The following RBFOX1 variants were observed in gnomAD, a reference collection of about 807,000 sequenced individuals.
RBFOX1 encodes RNA binding fox-1 homolog 1.
In RBFOX1, 8 loss-of-function variants were observed where a neutral mutation model predicts 57.7. The ratio of observed to expected loss-of-function variants is 0.14; its 90% CI spans 0.08 to 0.25. The LOEUF is 0.25. RBFOX1 is among the 10% of genes least tolerant of loss of function. The pLI, the probability that RBFOX1 is intolerant of heterozygous loss-of-function variation, is 1.00. For synonymous variants in RBFOX1, 326 were observed against 222.4 expected, an observed-to-expected ratio of 1.47 and a Z score of -4.15; for missense variants, 611 against 548.5, an observed-to-expected ratio of 1.11 and a Z score of -1.14.
chr16:5,474,349 G>T (rs1180802736), intron 2 of RBFOX1, among the ~76,000 whole-genome samples: 1 of 152,160 alleles, frequency 6.6e-6, no homozygotes, highest in African/African-American at 2.4e-5. Context: ...TCATTAATGT[G>T]TGTTTAAAAA....
chr16:7,131,998 C>CTTTTTTTTTTT (rs34879688), intron 4 of RBFOX1, among the ~76,000 whole-genome samples: 1 of 123,842 alleles, frequency 8.1e-6, no homozygotes, highest in Non-Finnish European at 1.7e-5. Context: ...TTTTTTCTTT[C>CTTTTTTTTTTT]TTTTTTTTTT....
intron 1 of RBFOX1, among the ~76,000 whole-genome samples, chr16:5,255,933 T>TA (rs1266973168): frequency 4.6e-5 from 7 of 151,862 alleles, no homozygotes; most frequent in Non-Finnish European, 1.0e-4. Context: ...TGGCTATTAA[T>TA]AGCTTCTAGT....
intron 4 of RBFOX1, among the ~76,000 whole-genome samples, chr16:7,263,279 G>T (rs2094994061): frequency 6.6e-6 from 1 of 152,162 alleles, no homozygotes; most frequent in African/African-American, 2.4e-5. Context: ...AAGCACAGGG[G>T]AGTTGAAGAT....
chr16:5,626,773 T>A (rs554526704), intron 3 of RBFOX1, among the ~76,000 whole-genome samples: 1 of 152,102 alleles, frequency 6.6e-6, no homozygotes, highest in African/African-American at 2.4e-5. Flanking sequence ...TCAACCAGGG[T>A]TTTAAAAAAA....
intron 4 of RBFOX1, among the ~76,000 whole-genome samples, chr16:7,187,462 G>T (rs2084143965): frequency 6.6e-6 from 1 of 151,478 alleles, no homozygotes. Flanking sequence ...GGCCAAGGCG[G>T]GCTAATCACG....
At chr16:7,471,764 C>T (rs929323650) in intron 4 of RBFOX1, among the ~76,000 whole-genome samples, 3 of 152,304 alleles carry the variant, frequency 2.0e-5, no homozygotes, top group East Asian at 1.9e-4. Context: ...AAGGTTAAGA[C>T]TTTCAGTCTC....
chr16:6,400,554 C>A lies in RBFOX1; in HGVS notation c.-64+83497C>A, dbSNP rs150387137. 9.3e-5 allele frequency among the ~76,000 whole-genome samples: 14 copies of A among 150,962 alleles called. 1 individual carries two copies. In the East Asian group the frequency reaches 2.5e-3, roughly 27 times the overall value. ...AAAACTAGAAAAAAAGAAAATTATA[C>A]CCAATATAGTAAAAGGATGGGAATA... is the stretch of plus-strand genomic sequence containing the variant. On this transcript the variant is annotated intron_variant, in intron 2 of 15. Coordinates refer to ENST00000550418, the MANE Select transcript of RBFOX1 (RefSeq NM_018723.4).
intron 3 of RBFOX1, among the ~76,000 whole-genome samples, chr16:7,048,838 T>G (rs1414788411): frequency 6.6e-6 from 1 of 152,182 alleles, no homozygotes; most frequent in East Asian, 1.9e-4. Context: ...AGGTCTTGTT[T>G]AAAATCCCAT....
chr16:5,768,831 C>A (rs991051994), intron 3 of RBFOX1, among the ~76,000 whole-genome samples: 1 of 151,744 alleles, frequency 6.6e-6, no homozygotes, highest in East Asian at 1.9e-4. Context: ...TATGAGATGC[C>A]CAGAGAAGAT....
Position 7,011,214 on chromosome 16 carries a change from T to C in RBFOX1, c.-15-40843T>C, listed in dbSNP as rs78674917. Reference sequence around the variant, plus strand: ...TTAGCAGTCATTCGTGGAGTCCTCATACCATTCCAGGGCTGGTTCTAAGGG... The same window carrying C: ...TTAGCAGTCATTCGTGGAGTCCTCACACCATTCCAGGGCTGGTTCTAAGGG... On this transcript the variant is annotated intron_variant, in intron 3 of 15. Transcript: ENST00000550418. Among the ~76,000 whole-genome samples, 1,025 of 152,322 alleles carry C rather than the reference T, an allele frequency of 6.7e-3. 12 individuals are homozygous for C. Among genetic ancestry groups the C allele is most frequent in the African/African-American group, 0.023 (965 of 41,576 alleles).
intron 3 of RBFOX1, among the ~76,000 whole-genome samples, chr16:5,843,789 T>A (rs1009849308): frequency 2.0e-5 from 3 of 152,216 alleles, no homozygotes; most frequent in Non-Finnish European, 4.4e-5. Context: ...TGCATCCTTC[T>A]CTAAAGCCTG....
chr16:5,959,605 A>C (rs2059710379), intron 4 of RBFOX1, among the ~76,000 whole-genome samples: 2 of 152,212 alleles, frequency 1.3e-5, no homozygotes, highest in African/African-American at 4.8e-5. Flanking sequence ...GGTAAGCCCA[A>C]AGCAAAAATA....
intron 4 of RBFOX1, among the ~76,000 whole-genome samples, chr16:7,507,500 C>G (rs551174210): frequency 6.6e-6 from 1 of 151,788 alleles, no homozygotes; most frequent in Non-Finnish European, 1.5e-5. Flanking sequence ...ATCCCACCCT[C>G]AGAGATTCTG....
chr16:6,729,044 T>G (rs2067909202), intron 3 of RBFOX1, among the ~76,000 whole-genome samples: 1 of 152,186 alleles, frequency 6.6e-6, no homozygotes, highest in Non-Finnish European at 1.5e-5. Context: ...AATAATTCAT[T>G]TGATCCTGTT....
chr16:5,912,435 G>T (rs1377748745), intron 4 of RBFOX1, among the ~76,000 whole-genome samples: 1 of 152,154 alleles, frequency 6.6e-6, no homozygotes, highest in Non-Finnish European at 1.5e-5. Flanking sequence ...GAACAGTGTG[G>T]TTTGGGGACA....
At chr16:6,868,584 G>A (rs2060334596) in intron 3 of RBFOX1, among the ~76,000 whole-genome samples, 1 of 152,176 alleles carries the variant, frequency 6.6e-6, no homozygotes, top group East Asian at 1.9e-4. Context: ...CAATTCTCCT[G>A]CTTTAGCGTC....
At chr16:5,626,696 C>T (rs559720322) in intron 3 of RBFOX1, among the ~76,000 whole-genome samples, 3 of 152,176 alleles carry the variant, frequency 2.0e-5, no homozygotes, top group Non-Finnish European at 2.9e-5. Context: ...TGGTTATACT[C>T]CCGTGCTTTG....
chr16:5,249,061 G>C (rs1442161234), intron 1 of RBFOX1, among the ~76,000 whole-genome samples: 6 of 151,340 alleles, frequency 4.0e-5, no homozygotes, highest in Non-Finnish European at 8.8e-5. Context: ...GCAGCAGCCA[G>C]GACCTTAAAG....
intron 3 of RBFOX1, among the ~76,000 whole-genome samples, chr16:6,974,003 C>A (rs909228889): frequency 7.2e-5 from 11 of 152,168 alleles, no homozygotes; most frequent in African/African-American, 2.7e-4. Context: ...GTTCAGCTCT[C>A]ACTTTTAAGT....
Sources: allele counts gnomAD v4.1 joint callset (sites outside exome capture counted in the v4.1 genomes callset), GRCh38; gene constraint gnomAD v4.1.1; transcripts MANE v1.5; gene names NCBI Gene and HGNC (gene_info 2026-07-23, HGNC 2026-07-21).